ST6GALNAC5: variants seen among roughly 807,000 people sequenced by gnomAD.
ST6GALNAC5 encodes the protein alpha-N-acetylgalactosaminide alpha-2,6-sialyltransferase 5.
A neutral mutation model predicts 33.6 loss-of-function variants in ST6GALNAC5; 27 were observed. The ratio of observed to expected loss-of-function variants is 0.80; its 90% CI spans 0.59 to 1.11. The LOEUF (loss-of-function observed/expected upper bound fraction) is 1.11, where lower values mean the gene tolerates loss of function less well. ST6GALNAC5 is among the 50% of genes least tolerant of loss of function. The pLI is 0.00. For missense variants in ST6GALNAC5, 428 were observed against 454.0 expected, an observed-to-expected ratio of 0.94 and a Z score of 0.52; for synonymous variants, 194 against 171.2, an observed-to-expected ratio of 1.13 and a Z score of -1.04.
chr1:77,036,347 G>A (rs1651645082), intron 2 of ST6GALNAC5, among the ~76,000 whole-genome samples: 1 of 152,130 alleles, frequency 6.6e-6, no homozygotes, highest in Non-Finnish European at 1.5e-5. Context: ...GCTGATGGTT[G>A]CCCAACTCTC....
At chr1:76,876,552 T>G (rs1156539080) in intron 2 of ST6GALNAC5, among the ~76,000 whole-genome samples, 2 of 152,204 alleles carry the variant, frequency 1.3e-5, no homozygotes, top group Non-Finnish European at 2.9e-5. Flanking sequence ...TTCCTTAAAT[T>G]TCTTTGTCAC....
intron 2 of ST6GALNAC5, among the ~76,000 whole-genome samples, chr1:76,900,725 T>C (rs1646809708): frequency 6.6e-6 from 1 of 152,200 alleles, no homozygotes; most frequent in Non-Finnish European, 1.5e-5. Flanking sequence ...CATTTTTACA[T>C]GTTGCAAAGA....
intron 2 of ST6GALNAC5, among the ~76,000 whole-genome samples, chr1:76,945,439 C>T (rs1391435125): frequency 1.3e-5 from 2 of 151,976 alleles, no homozygotes; most frequent in African/African-American, 4.8e-5. Flanking sequence ...GAACGATGAA[C>T]CAAAGTCATA....
At chr1:76,922,246 A>G (rs955902775) in intron 2 of ST6GALNAC5, among the ~76,000 whole-genome samples, 3 of 152,180 alleles carry the variant, frequency 2.0e-5, no homozygotes, top group African/African-American at 7.2e-5. Flanking sequence ...GAAATTTAAA[A>G]CGTAAAACAT....
intron 2 of ST6GALNAC5, among the ~76,000 whole-genome samples, chr1:76,999,810 G>C (rs1003887584): frequency 4.2e-5 from 6 of 142,610 alleles, no homozygotes; most frequent in African/African-American, 1.5e-4. Flanking sequence ...TCCCTACAAA[G>C]GACATGAACT....
chr1:76,959,956 A>G (rs1217470401), intron 2 of ST6GALNAC5, among the ~76,000 whole-genome samples: 1 of 152,192 alleles, frequency 6.6e-6, no homozygotes, highest in Non-Finnish European at 1.5e-5. Context: ...ACGGATAAGA[A>G]AAGAAAGACA....
intron 4 of ST6GALNAC5, 89 bp downstream of exon 4, chr1:77,050,454 C>A (rs1003060586): frequency 4.8e-5 from 61 of 1,259,258 alleles, no homozygotes; most frequent in Non-Finnish European, 6.6e-5. Flanking sequence ...TGAAACATGT[C>A]TAACTGTCTT....
At chr1:76,996,455 T>C (rs1649943485) in intron 2 of ST6GALNAC5, among the ~76,000 whole-genome samples, 1 of 152,240 alleles carries the variant, frequency 6.6e-6, no homozygotes, top group African/African-American at 2.4e-5. Context: ...GTGTTAAACA[T>C]GTACATTTCT....
In ST6GALNAC5 at chr1:76,965,888, G is replaced by C. The variant is rs1163422909; in HGVS notation, c.262-78316G>C. 2.6e-5 allele frequency among the ~76,000 whole-genome samples: 4 copies of C among 152,214 alleles called. 1 individual carries two copies. In the South Asian group the frequency reaches 6.2e-4, roughly 24 times the overall value. On this transcript the variant is annotated intron_variant, in intron 2 of 4. Transcript: ENST00000477717. Reference sequence around the variant, plus strand: ...GAATCCTTTCCCATTTCTTGCTTTTGTCAGGTTTGTCAAAGATCAGATGGT... The same window carrying C: ...GAATCCTTTCCCATTTCTTGCTTTTCTCAGGTTTGTCAAAGATCAGATGGT...
chr1:77,045,528 A>C (rs987875834), intron 3 of ST6GALNAC5, among the ~76,000 whole-genome samples: 2 of 152,242 alleles, frequency 1.3e-5, no homozygotes, highest in Non-Finnish European at 2.9e-5. Context: ...TGTCTCAATC[A>C]TGATGTAAAA....
intron 2 of ST6GALNAC5, among the ~76,000 whole-genome samples, chr1:76,893,909 T>C (rs1654067429): frequency 6.6e-6 from 1 of 152,174 alleles, no homozygotes; most frequent in South Asian, 2.1e-4. Flanking sequence ...TCCACCCACC[T>C]TGGCCTCCCA....
intron 2 of ST6GALNAC5, among the ~76,000 whole-genome samples, chr1:76,986,230 C>T (rs1197335112): frequency 1.3e-5 from 2 of 150,738 alleles, no homozygotes; most frequent in Non-Finnish European, 3.0e-5. Flanking sequence ...AGCAGACAAC[C>T]TAAAGAGTGG....
At chr1:77,011,187 G>A (rs1409344993) in intron 2 of ST6GALNAC5, among the ~76,000 whole-genome samples, 2 of 152,150 alleles carry the variant, frequency 1.3e-5, no homozygotes, top group African/African-American at 2.4e-5. Context: ...GGACAATGAC[G>A]ATGAGGCTAA....
intron 3 of ST6GALNAC5, 127 bp downstream of exon 3, chr1:77,044,740 G>A (rs1422388878): frequency 8.3e-7 from 1 of 1,211,448 alleles, no homozygotes; most frequent in Non-Finnish European, 1.1e-6. Flanking sequence ...CATTGCTAGA[G>A]TTCACTTGTA....
chr1:76,937,898 A>G (rs1171652998), intron 2 of ST6GALNAC5, among the ~76,000 whole-genome samples: 5 of 151,942 alleles, frequency 3.3e-5, no homozygotes, highest in Non-Finnish European at 7.4e-5. Context: ...ACCACACTCT[A>G]TTGTCTTACA....
At chr1:76,912,034 T>G (rs1337187333) in intron 2 of ST6GALNAC5, among the ~76,000 whole-genome samples, 1 of 152,186 alleles carries the variant, frequency 6.6e-6, no homozygotes, top group African/African-American at 2.4e-5. Context: ...CAATTTTGGA[T>G]CTTTCCTGCT....
chr1:76,873,906 G>A (rs1448953374), intron 2 of ST6GALNAC5, among the ~76,000 whole-genome samples: 1 of 152,124 alleles, frequency 6.6e-6, no homozygotes, highest in African/African-American at 2.4e-5. Context: ...TGAGCATTCT[G>A]GAGGAAGAAC....
intron 2 of ST6GALNAC5, among the ~76,000 whole-genome samples, chr1:76,911,207 GT>G (rs1646908154): frequency 6.6e-6 from 1 of 152,008 alleles, no homozygotes; most frequent in South Asian, 2.1e-4. Flanking sequence ...TAATCATGTG[GT>G]TTTTGTCTTT....
chr1:76,967,190 A>G (rs1432022017), intron 2 of ST6GALNAC5, among the ~76,000 whole-genome samples: 1 of 152,092 alleles, frequency 6.6e-6, no homozygotes, highest in Non-Finnish European at 1.5e-5. Context: ...TCCTCTTTGT[A>G]TCTCTGGTAC....
Sources: gnomAD v4.1 joint callset for allele counts (sites outside exome capture counted in the v4.1 genomes callset) on GRCh38, gnomAD v4.1.1 for gene constraint, MANE v1.5 for transcripts, NCBI Gene and HGNC (gene_info 2026-07-23, HGNC 2026-07-21) for gene names.